FBXL13: variants seen among roughly 807,000 people sequenced by gnomAD.
FBXL13 encodes the protein F-box and leucine-rich repeat protein 13.
In FBXL13, 67 loss-of-function variants were observed where a neutral mutation model predicts 83.6. The ratio of observed to expected loss-of-function variants is 0.80; its 90% CI spans 0.66 to 0.98. FBXL13 has a LOEUF of 0.98. Among genes scored for constraint, FBXL13 ranks in the 50% least tolerant of loss-of-function variants. FBXL13 has a pLI of 0.00. For missense variants in FBXL13, 822 were observed against 866.5 expected, an observed-to-expected ratio of 0.95 and a Z score of 0.64; for synonymous variants, 272 against 299.5, an observed-to-expected ratio of 0.91 and a Z score of 0.95.
At chr7:103,063,856 A>G (rs1444051771) in intron 1 of FBXL13, among the ~76,000 whole-genome samples, 2 of 151,980 alleles carry the variant, frequency 1.3e-5, no homozygotes, top group Non-Finnish European at 2.9e-5. Flanking sequence ...TGTGGGGCCT[A>G]GGAAGGTCTT....
rs2129456693 is a variant in FBXL13, at chr7:102,872,274, A to C, written c.1635+5193T>G. On this transcript the variant is annotated intron_variant, in intron 16 of 19. Transcript: ENST00000313221. ...AATTGGGCTGCAGAAAATAGGTCTT[A>C]CTCACATTTGTTAATCCTAGAGCCT... 2.0e-5 allele frequency among the ~76,000 whole-genome samples: 3 copies of C among 152,058 alleles called. No homozygotes were observed. In the Middle Eastern group the frequency reaches 0.01, roughly 517 times the overall value.
chr7:102,878,239 T>C, intron 15 of FBXL13, 92 bp downstream of exon 16: 1 of 1,128,236 alleles, frequency 8.9e-7, no homozygotes, highest in South Asian at 2.5e-5. Flanking sequence ...TTCCCCCAAA[T>C]GTCATGAAAT....
At chr7:103,068,544 G>A (rs769903436) in intron 1 of FBXL13, among the ~76,000 whole-genome samples, 15 of 152,156 alleles carry the variant, frequency 9.9e-5, no homozygotes, top group Non-Finnish European at 1.9e-4. Context: ...AGATATTGGC[G>A]AGCCATGGAA....
At chr7:102,892,453 T>C (rs994986851) in intron 11 of FBXL13, among the ~76,000 whole-genome samples, 2 of 152,214 alleles carry the variant, frequency 1.3e-5, no homozygotes, top group East Asian at 1.9e-4. Context: ...TATATAAAAA[T>C]GTTTTCATAA....
At chr7:102,826,754 T>TATATATATATATATAC (rs1799763012) in intron 18 of FBXL13, among the ~76,000 whole-genome samples, 1 of 114,240 alleles carries the variant, frequency 8.8e-6, no homozygotes, top group Non-Finnish European at 1.8e-5. Flanking sequence ...TATATATATA[T>TATATATATATATATAC]ATATATATAT....
intron 14 of FBXL13, among the ~76,000 whole-genome samples, chr7:102,879,455 G>GTGTA (rs1809716861): frequency 1.3e-5 from 2 of 151,740 alleles, no homozygotes; most frequent in Non-Finnish European, 2.9e-5. Flanking sequence ...GTGTGTGTGT[G>GTGTA]TGTGTGTGTG....
chr7:102,934,537 T>C (rs758288107), intron 8 of FBXL13: 1 of 1,560,756 alleles, frequency 6.4e-7, no homozygotes, highest in South Asian at 1.1e-5. Flanking sequence ...AGATAAAATC[T>C]GAACAGTTGT....
intron 2 of FBXL13, among the ~76,000 whole-genome samples, chr7:103,047,747 T>A (rs1228134994): frequency 6.6e-6 from 1 of 152,166 alleles, no homozygotes; most frequent in Non-Finnish European, 1.5e-5. Context: ...CAGGCTGGAG[T>A]GCAGAGGCAC....
At chr7:102,883,930 TTAC>T in intron 12 of FBXL13, among the ~76,000 whole-genome samples, 1 of 152,246 alleles carries the variant, frequency 6.6e-6, no homozygotes, top group Non-Finnish European at 1.5e-5. Flanking sequence ...CTGAAAAAAA[TTAC>T]TACATTTGGC....
At chr7:103,060,063 T>TAC (rs1554517879) in intron 1 of FBXL13, among the ~76,000 whole-genome samples, 11 of 115,242 alleles carry the variant, frequency 9.5e-5, no homozygotes, top group African/African-American at 3.1e-4. Flanking sequence ...TATATATATA[T>TAC]ACTTTTTTTT....
At chr7:102,921,277 T>C (rs1408412868) in intron 10 of FBXL13, among the ~76,000 whole-genome samples, 1 of 152,222 alleles carries the variant, frequency 6.6e-6, no homozygotes, top group Non-Finnish European at 1.5e-5. Context: ...GGTTGTAAAA[T>C]AACATCAAAA....
chr7:102,952,888 G>A (rs1454699379), intron 8 of FBXL13, among the ~76,000 whole-genome samples: 6 of 152,146 alleles, frequency 3.9e-5, no homozygotes, highest in African/African-American at 1.4e-4. Context: ...GGAGGCTGAG[G>A]CAGGAGAATC....
At chr7:103,024,857 A>ATATATATATATATATATATTT (rs1298384907) in intron 6 of FBXL13, among the ~76,000 whole-genome samples, 2 of 62,854 alleles carry the variant, frequency 3.2e-5, no homozygotes, top group African/African-American at 1.8e-4. Context: ...ATATATATAT[A>ATATATATATATATATATATTT]TTTTTTTTTT....
intron 18 of FBXL13, among the ~76,000 whole-genome samples, chr7:102,830,348 G>A (rs1800440275): frequency 6.6e-6 from 1 of 152,118 alleles, no homozygotes. Flanking sequence ...TATAGCCAGG[G>A]CAGTTCTCAC....
At chr7:102,962,664 G>C (rs1825421564) in intron 8 of FBXL13, among the ~76,000 whole-genome samples, 2 of 152,012 alleles carry the variant, frequency 1.3e-5, no homozygotes, top group Non-Finnish European at 2.9e-5. Context: ...AAAAAATGAT[G>C]AGTTCATGTC....
At chr7:102,860,679 CTG>C (rs150779937) in intron 16 of FBXL13, among the ~76,000 whole-genome samples, 5 of 150,482 alleles carry the variant, frequency 3.3e-5, no homozygotes, top group Admixed American at 6.6e-5. Context: ...TTGGAATGCT[CTG>C]TGTGTGTGTG....
intron 6 of FBXL13, among the ~76,000 whole-genome samples, chr7:102,970,235 A>G (rs1408009741): frequency 6.6e-6 from 1 of 152,208 alleles, no homozygotes; most frequent in Non-Finnish European, 1.5e-5. Flanking sequence ...TGGGCAACAG[A>G]GCAAGACTCT....
intron 2 of FBXL13, among the ~76,000 whole-genome samples, chr7:103,034,877 T>C (rs554918223): frequency 3.9e-5 from 6 of 152,232 alleles, no homozygotes; most frequent in Non-Finnish European, 8.8e-5. Context: ...TACAAAAGTC[T>C]TACATTATGC....
chr7:102,939,805 T>C (rs1176356818), intron 8 of FBXL13, among the ~76,000 whole-genome samples: 1 of 152,228 alleles, frequency 6.6e-6, no homozygotes, highest in Non-Finnish European at 1.5e-5. Context: ...CACATATTAC[T>C]ACCATTTAAT....
Sources: gnomAD v4.1 joint callset for allele counts (sites outside exome capture counted in the v4.1 genomes callset) on GRCh38, gnomAD v4.1.1 for gene constraint, MANE v1.5 for transcripts, NCBI Gene and HGNC (gene_info 2026-07-23, HGNC 2026-07-21) for gene names.